The following STK32B variants were observed in gnomAD, a reference collection of about 807,000 sequenced individuals.
STK32B encodes the protein serine/threonine-protein kinase 32B.
STK32B carries 43 observed loss-of-function variants against 52.6 expected under a neutral mutation model. The observed-to-expected ratio is 0.82, with a 90% CI of 0.64 to 1.05. The LOEUF (loss-of-function observed/expected upper bound fraction) is 1.05, where lower values mean the gene tolerates loss of function less well. Ranked by LOEUF, STK32B falls within the 50% of genes least tolerant of loss-of-function variation. STK32B has a pLI of 0.00. For synonymous variants in STK32B, 238 were observed against 204.3 expected, an observed-to-expected ratio of 1.17 and a Z score of -1.41; for missense variants, 621 against 534.6, an observed-to-expected ratio of 1.16 and a Z score of -1.59.
intron 6 of STK32B, among the ~76,000 whole-genome samples, chr4:5,444,546 A>G (rs763958277): frequency 6.6e-6 from 1 of 152,212 alleles, no homozygotes; most frequent in Non-Finnish European, 1.5e-5. Flanking sequence ...ATGGAAATGC[A>G]GAAATCACCC....
chr4:5,276,609 T>C (rs1295543527), intron 3 of STK32B, among the ~76,000 whole-genome samples: 2 of 152,160 alleles, frequency 1.3e-5, no homozygotes, highest in Non-Finnish European at 2.9e-5. Context: ...CAGATTCTTT[T>C]TTTTTTATTT....
chr4:5,337,110 C>T (rs1349850651), intron 4 of STK32B, among the ~76,000 whole-genome samples: 1 of 151,626 alleles, frequency 6.6e-6, no homozygotes, highest in African/African-American at 2.4e-5. Context: ...TGCTAAGTAG[C>T]TGGGACCATA....
chr4:5,366,866 G>A (rs1462030095), intron 4 of STK32B, among the ~76,000 whole-genome samples: 2 of 152,158 alleles, frequency 1.3e-5, no homozygotes, highest in Non-Finnish European at 2.9e-5. Flanking sequence ...TCTACTGGGT[G>A]CATCCTGTGT....
chr4:5,490,002 A>G (rs935126825), intron 11 of STK32B, among the ~76,000 whole-genome samples: 1 of 152,316 alleles, frequency 6.6e-6, no homozygotes, highest in Admixed American at 6.5e-5. Context: ...TTGTCATTGG[A>G]TAGTAATACA....
intron 3 of STK32B, among the ~76,000 whole-genome samples, chr4:5,320,751 GATGGA>G (rs144809068): frequency 1.3e-5 from 2 of 152,274 alleles, no homozygotes; most frequent in Non-Finnish European, 2.9e-5. Context: ...TGATCATGAG[GATGGA>G]ATGGAAACAC....
At chr4:5,301,824 C>T (rs1365559262) in intron 3 of STK32B, among the ~76,000 whole-genome samples, 8 of 136,744 alleles carry the variant, frequency 5.9e-5, no homozygotes, top group African/African-American at 6.5e-5. Context: ...TCATTTCCTT[C>T]GTTTGGGTTT....
chr4:5,292,202 T>C (rs1728934980), intron 3 of STK32B, among the ~76,000 whole-genome samples: 1 of 152,188 alleles, frequency 6.6e-6, no homozygotes, highest in Non-Finnish European at 1.5e-5. Context: ...TATTTTTAGC[T>C]CTTTGAAGAG....
chr4:5,331,576 A>T (rs1451427450), intron 4 of STK32B, among the ~76,000 whole-genome samples, 183 bp downstream of exon 4: 1 of 152,188 alleles, frequency 6.6e-6, no homozygotes, highest in Non-Finnish European at 1.5e-5. Context: ...CAGCACCTAC[A>T]TCTCCCATCC....
At chr4:5,346,574 G>C (rs1322394784) in intron 4 of STK32B, among the ~76,000 whole-genome samples, 1 of 152,096 alleles carries the variant, frequency 6.6e-6, no homozygotes, top group Non-Finnish European at 1.5e-5. Flanking sequence ...GTGTAGACAG[G>C]GTCCAGGCCT....
intron 3 of STK32B, among the ~76,000 whole-genome samples, chr4:5,249,552 T>G (rs547127002): frequency 6.6e-6 from 1 of 151,722 alleles, no homozygotes; most frequent in Non-Finnish European, 1.5e-5. Flanking sequence ...CTTTTCTTTC[T>G]TAATTATATA....
At chr4:5,135,743 C>T (rs910965222) in intron 1 of STK32B, among the ~76,000 whole-genome samples, 1 of 152,112 alleles carries the variant, frequency 6.6e-6, no homozygotes, top group African/African-American at 2.4e-5. Context: ...ACATTGAAGG[C>T]AGGAAGAAGT....
At chr4:5,263,383 G>A (rs1226735123) in intron 3 of STK32B, among the ~76,000 whole-genome samples, 1 of 152,152 alleles carries the variant, frequency 6.6e-6, no homozygotes, top group Non-Finnish European at 1.5e-5. Flanking sequence ...GCCACAGCAG[G>A]GGTGTCATCC....
intron 3 of STK32B, among the ~76,000 whole-genome samples, chr4:5,171,769 T>C (rs1719390942): frequency 6.7e-6 from 1 of 148,732 alleles, no homozygotes; most frequent in South Asian, 2.2e-4. Context: ...TCTTTTGGCT[T>C]AGGATTGACT....
intron 3 of STK32B, among the ~76,000 whole-genome samples, chr4:5,316,885 T>TATATA (rs1730914620): frequency 8.6e-4 from 7 of 8,182 alleles, no homozygotes; most frequent in South Asian, 7.9e-3. Flanking sequence ...TAATATATTA[T>TATATA]ATATATTATA....
chr4:5,490,103 A>C (rs1719588790), intron 11 of STK32B, among the ~76,000 whole-genome samples: 1 of 144,270 alleles, frequency 6.9e-6, no homozygotes, highest in Admixed American at 6.9e-5. Context: ...TTGTTGTTTT[A>C]AGTAGGCATT....
At chr4:5,099,454 G>GCGCGTGCGCGCGCACA (rs1553823530) in intron 1 of STK32B, among the ~76,000 whole-genome samples, 12,517 of 129,794 alleles carry the variant, frequency 0.096, 1,742 homozygotes, top group African/African-American at 0.3. Flanking sequence ...GTGTGTGCGC[G>GCGCGTGCGCGCGCACA]CGCGCGTATG....
chr4:5,082,707 A>T (rs1047622716), intron 1 of STK32B, among the ~76,000 whole-genome samples: 2 of 151,318 alleles, frequency 1.3e-5, no homozygotes, highest in African/African-American at 4.9e-5. Flanking sequence ...TTTTTCTATC[A>T]TGAAAGTAGT....
chr4:5,053,922 T>C (rs1404430462), intron 1 of STK32B, among the ~76,000 whole-genome samples: 1 of 152,034 alleles, frequency 6.6e-6, no homozygotes, highest in African/African-American at 2.4e-5. Context: ...GAGGTTGCAG[T>C]GAGCTGAGAT....
intron 1 of STK32B, among the ~76,000 whole-genome samples, chr4:5,066,496 A>G (rs141570977): frequency 2.0e-5 from 3 of 152,214 alleles, no homozygotes; most frequent in African/African-American, 7.2e-5. Flanking sequence ...AATGGCTTCC[A>G]TTGCTCTCCG....
Sources: allele counts gnomAD v4.1 joint callset (sites outside exome capture counted in the v4.1 genomes callset), GRCh38; gene constraint gnomAD v4.1.1; transcripts MANE v1.5; gene names NCBI Gene and HGNC (gene_info 2026-07-23, HGNC 2026-07-21).